Variants in TRMT11 observed in about 807,000 individuals in gnomAD.
The protein encoded by TRMT11 is tRNA methyltransferase 11.
Under a neutral mutation model 62.8 loss-of-function variants are expected in TRMT11, and 53 were observed. The ratio of observed to expected loss-of-function variants is 0.84; its 90% confidence interval spans 0.68 to 1.06. The LOEUF is 1.06. TRMT11 is among the 50% of genes least tolerant of loss of function. The pLI, the probability that TRMT11 is intolerant of heterozygous loss-of-function variation, is 0.00. For missense variants in TRMT11, 556 were observed against 553.4 expected (o/e 1.00, Z -0.05); for synonymous variants, 188 against 190.3 (o/e 0.99, Z 0.10).
the TRMT11 span, among the ~76,000 whole-genome samples, chr6:126,260,956 G>T: frequency 6.6e-6 from 1 of 152,126 alleles, no homozygotes; most frequent in Admixed American, 6.5e-5. Flanking sequence ...CTAGAATCTG[G>T]ATGTTTGTAT....
intron 1 of TRMT11, among the ~76,000 whole-genome samples, chr6:126,196,005 A>G (rs1325159141): frequency 6.6e-6 from 1 of 152,200 alleles, no homozygotes; most frequent in Non-Finnish European, 1.5e-5. Context: ...GGAAGCTACA[A>G]GTAACTTGAA....
At chr6:126,250,213 T>C in the TRMT11 span, among the ~76,000 whole-genome samples, 9 of 152,120 alleles carry the variant, frequency 5.9e-5, no homozygotes, top group African/African-American at 1.4e-4. Flanking sequence ...CAAGATTTCA[T>C]TGGATTTGGT....
intron 21 of TRMT11, among the ~76,000 whole-genome samples, chr6:126,140,018 A>C (rs1777899641): frequency 6.6e-6 from 1 of 152,122 alleles, no homozygotes. Flanking sequence ...CTAATATTTT[A>C]TCCATTAAGT....
the TRMT11 span, among the ~76,000 whole-genome samples, chr6:126,252,166 G>A: frequency 6.6e-6 from 1 of 152,226 alleles, no homozygotes; most frequent in Non-Finnish European, 1.5e-5. Context: ...TATGTTTGGG[G>A]CTTCAGCTGA....
intron 3 of TRMT11, among the ~76,000 whole-genome samples, chr6:126,200,842 C>T (rs187475834): frequency 5.3e-5 from 8 of 152,310 alleles, no homozygotes; most frequent in Admixed American, 1.3e-4. Context: ...CGTGACCCAC[C>T]GCGCCCGGCC....
intron 21 of TRMT11, among the ~76,000 whole-genome samples, chr6:126,139,226 C>G (rs1005629017): frequency 6.6e-6 from 1 of 151,920 alleles, no homozygotes; most frequent in Non-Finnish European, 1.5e-5. Flanking sequence ...TATATCCAGA[C>G]TATAAAATAA....
chr6:125,989,114 A>C (rs1252914529), intron 1 of TRMT11, among the ~76,000 whole-genome samples: 1 of 135,378 alleles, frequency 7.4e-6, no homozygotes, highest in Admixed American at 7.4e-5. Context: ...CATTCTAAGG[A>C]GTTTGGATTC....
chr6:126,081,605 C>T (rs976699329), intron 17 of TRMT11, among the ~76,000 whole-genome samples: 11 of 152,114 alleles, frequency 7.2e-5, no homozygotes, highest in African/African-American at 2.7e-4. Flanking sequence ...GGATCTAACA[C>T]CATCTACCAT....
chr6:126,166,504 GAA>G (rs2128232536), intron 21 of TRMT11, among the ~76,000 whole-genome samples: 1 of 152,278 alleles, frequency 6.6e-6, no homozygotes, highest in South Asian at 2.1e-4. Flanking sequence ...CCTTCCTCTG[GAA>G]GCTTCGTCCC....
At chr6:126,021,126 G>T in intron 11 of TRMT11, 34 bp from the exon 12 acceptor site, 1 of 1,612,200 alleles carries the variant, frequency 6.2e-7, no homozygotes, top group South Asian at 1.1e-5. Flanking sequence ...CCACACATGT[G>T]AGTGTTCCTA....
chr6:125,997,967 G>A (rs1037687615), intron 3 of TRMT11, 86 bp from the exon 4 acceptor site: 12 of 903,944 alleles, frequency 1.3e-5, no homozygotes, highest in Admixed American at 8.8e-5. Context: ...AGTGGAGTGT[G>A]CATAAAGAAC....
chr6:126,163,946 C>T (rs1026884758), intron 21 of TRMT11, among the ~76,000 whole-genome samples: 6 of 151,990 alleles, frequency 3.9e-5, no homozygotes, highest in African/African-American at 7.2e-5. Context: ...ATTGATTTTT[C>T]GAAGGGTTTT....
At chr6:126,072,388 G>A (rs935246524) in intron 17 of TRMT11, among the ~76,000 whole-genome samples, 1 of 152,144 alleles carries the variant, frequency 6.6e-6, no homozygotes, top group African/African-American at 2.4e-5. Flanking sequence ...TATTATGAAA[G>A]GAAATCGGTG....
chr6:126,130,566 T>C lies in TRMT11; in HGVS notation c.*1823+14711T>C, dbSNP rs74614457. Reference sequence around the variant, plus strand: ...TAATGGATAAAACGCAGAGGTTCCTTGTATGTTTTACTGTTTTTTTTTGTT... The same window carrying C: ...TAATGGATAAAACGCAGAGGTTCCTCGTATGTTTTACTGTTTTTTTTTGTT... On this transcript the variant is annotated intron_variant and NMD_transcript_variant, in intron 21 of 22. Transcript: ENST00000648977. Among the ~76,000 whole-genome samples the C allele has an allele frequency of 2.4e-3, 294 of 121,752 alleles. 1 individual carries two copies. The highest frequency in any genetic ancestry group is 0.01 in the African/African-American group (282 of 27,142). 79.9% of individuals were successfully genotyped at this position (121,752 alleles called of 152,430 possible).
chr6:126,201,048 AG>A (rs1778729429), intron 3 of TRMT11, among the ~76,000 whole-genome samples: 1 of 152,198 alleles, frequency 6.6e-6, no homozygotes, highest in Admixed American at 6.5e-5. Flanking sequence ...TGCAAATTTG[AG>A]TGACAATCCA....
At chr6:126,039,904 A>G (rs981348714), downstream of TRMT11, among the ~76,000 whole-genome samples, 1 of 152,086 alleles carries the variant, frequency 6.6e-6, no homozygotes, top group Non-Finnish European at 1.5e-5. Context: ...TGCCCAAGCA[A>G]AGAGACATCA....
intron 21 of TRMT11, among the ~76,000 whole-genome samples, chr6:126,142,605 T>C (rs1298524386): frequency 6.6e-6 from 1 of 152,110 alleles, no homozygotes; most frequent in African/African-American, 2.4e-5. Flanking sequence ...ACTCACAATT[T>C]CTGAATTTTA....
chr6:126,264,894 C>A, the TRMT11 span, among the ~76,000 whole-genome samples: 1 of 152,124 alleles, frequency 6.6e-6, no homozygotes, highest in African/African-American at 2.4e-5. Context: ...TTAAATAAAT[C>A]TCTTTCTATA....
intron 17 of TRMT11, among the ~76,000 whole-genome samples, chr6:126,107,274 G>T (rs1291553554): frequency 6.6e-6 from 1 of 152,158 alleles, no homozygotes; most frequent in Non-Finnish European, 1.5e-5. Flanking sequence ...CTTTGCCTAT[G>T]TGCAATTATA....
Sources: gnomAD v4.1 joint callset for allele counts (sites outside exome capture counted in the v4.1 genomes callset) on GRCh38, gnomAD v4.1.1 for gene constraint, MANE v1.5 for transcripts, NCBI Gene and HGNC (gene_info 2026-07-23, HGNC 2026-07-21) for gene names.